ENTHD1: variants seen among roughly 807,000 people sequenced by gnomAD.
ENTHD1 encodes ENTH domain containing 1.
In ENTHD1, 23 loss-of-function variants were observed where a neutral mutation model predicts 39.1. The ratio of observed to expected loss-of-function variants is 0.59; its 90% CI spans 0.42 to 0.83. The LOEUF (loss-of-function observed/expected upper bound fraction) is 0.83, where lower values mean the gene tolerates loss of function less well. Among genes scored for constraint, ENTHD1 ranks in the 40% least tolerant of loss-of-function variants. The pLI is 0.00. For synonymous variants in ENTHD1, 230 were observed against 258.2 expected (o/e 0.89, Z 1.05); for missense variants, 624 against 705.4 (o/e 0.88, Z 1.31).
chr22:39,868,961 C>CA (rs1461657979), intron 2 of ENTHD1, among the ~76,000 whole-genome samples: 1 of 152,002 alleles, frequency 6.6e-6, no homozygotes, highest in Non-Finnish European at 1.5e-5. Context: ...ATCAAAAAGC[C>CA]AAAAAACAAC....
chr22:39,891,929 A>T (rs913935712), intron 1 of ENTHD1, among the ~76,000 whole-genome samples: 20 of 150,622 alleles, frequency 1.3e-4, no homozygotes, highest in South Asian at 4.2e-4. Flanking sequence ...CTCAAAAAAA[A>T]TTTTTTTTTT....
In ENTHD1 at chr22:39,799,220, C is replaced by T. The variant is rs184674325; in HGVS notation, c.832+21773G>A. On this transcript the variant is annotated intron_variant, in intron 5 of 6. Coordinates refer to ENST00000325157, the MANE Select transcript of ENTHD1 (RefSeq NM_152512.4). ...CCCTAGTATGTGCACAAGTATACCTCGGCCCTACCGCAATTGCGGGGAGGG... is the reference window on the plus strand; with the variant it reads ...CCCTAGTATGTGCACAAGTATACCTTGGCCCTACCGCAATTGCGGGGAGGG... Among the ~76,000 whole-genome samples, 18 of 152,312 alleles carry T rather than the reference C, an allele frequency of 1.2e-4. No homozygotes were observed. In the East Asian group the frequency reaches 1.5e-3, roughly 13 times the overall value.
At chr22:39,744,690 T>G (rs2065089691) in intron 6 of ENTHD1, among the ~76,000 whole-genome samples, 1 of 152,182 alleles carries the variant, frequency 6.6e-6, no homozygotes, top group Non-Finnish European at 1.5e-5. Flanking sequence ...CCTTCAACTT[T>G]TTAATTTTTT....
At chr22:39,752,564 C>A in intron 6 of ENTHD1, among the ~76,000 whole-genome samples, 1 of 152,086 alleles carries the variant, frequency 6.6e-6, no homozygotes, top group East Asian at 1.9e-4. Context: ...AATTAGATTT[C>A]AATTTTTAAA....
intron 3 of ENTHD1, among the ~76,000 whole-genome samples, chr22:39,855,433 T>C (rs913677998): frequency 2.0e-5 from 3 of 152,218 alleles, no homozygotes; most frequent in Non-Finnish European, 2.9e-5. Flanking sequence ...TTTACCATTA[T>C]TGTAGAAATG....
chr22:39,880,502 A>T (rs1457260988), intron 2 of ENTHD1, among the ~76,000 whole-genome samples: 1 of 152,188 alleles, frequency 6.6e-6, no homozygotes, highest in Non-Finnish European at 1.5e-5. Context: ...ACATAACTGT[A>T]CGTTCATCGA....
chr22:39,869,875 C>T (rs1048276235), intron 2 of ENTHD1, among the ~76,000 whole-genome samples: 9 of 151,286 alleles, frequency 5.9e-5, no homozygotes, highest in African/African-American at 1.7e-4. Context: ...AATTAAAATC[C>T]TAGAAATGAA....
In ENTHD1 at chr22:39,758,947, G is replaced by A. The variant is rs373529742; in HGVS notation, c.1219+6276C>T. Among the ~76,000 whole-genome samples the A allele has an allele frequency of 2.6e-3, 399 of 152,042 alleles. 1 individual carries two copies. The highest frequency in any genetic ancestry group is 9.1e-3 in the African/African-American group (377 of 41,450). On this transcript the variant is annotated intron_variant, in intron 6 of 6. Coordinates refer to ENST00000325157, the MANE Select transcript of ENTHD1 (RefSeq NM_152512.4). ...AAATGTCAAACCAACCTTATAATTC[G>A]GGGAAAAATCCCACTTGGTCATGAT...
At chr22:39,892,716 C>G (rs146352888) in intron 1 of ENTHD1, among the ~76,000 whole-genome samples, 18 of 152,308 alleles carry the variant, frequency 1.2e-4, no homozygotes, top group African/African-American at 4.3e-4. Context: ...CCAGAGCTAT[C>G]TCTGAAAAGA....
chr22:39,824,477 G>GGGATTACA (rs927201394), intron 4 of ENTHD1, among the ~76,000 whole-genome samples: 4 of 151,966 alleles, frequency 2.6e-5, no homozygotes, highest in African/African-American at 9.7e-5. Context: ...CCAAAGTGCG[G>GGGATTACA]GGATTACAGG....
chr22:39,844,063 T>C (rs1485323295), intron 3 of ENTHD1, among the ~76,000 whole-genome samples: 1 of 151,886 alleles, frequency 6.6e-6, no homozygotes, highest in African/African-American at 2.4e-5. Flanking sequence ...TAGATGAATT[T>C]TGAGATTAAA....
intron 5 of ENTHD1, among the ~76,000 whole-genome samples, chr22:39,782,636 TGATGTAAG>T (rs2065419822): frequency 6.6e-6 from 1 of 152,168 alleles, no homozygotes; most frequent in Non-Finnish European, 1.5e-5. Context: ...TTCATCTCAA[TGATGTAAG>T]GATGATTCAG....
intron 6 of ENTHD1, among the ~76,000 whole-genome samples, chr22:39,746,517 C>T (rs1287204944): frequency 6.6e-6 from 1 of 152,048 alleles, no homozygotes; most frequent in East Asian, 1.9e-4. Flanking sequence ...GTTGGTACCC[C>T]TTGCTGCCCG....
At chr22:39,794,191 C>A (rs1016837450) in intron 5 of ENTHD1, among the ~76,000 whole-genome samples, 1 of 152,116 alleles carries the variant, frequency 6.6e-6, no homozygotes, top group Non-Finnish European at 1.5e-5. Context: ...GGTTAAAATA[C>A]TCCTAGGTAT....
chr22:39,866,747 A>C (rs2066185033), intron 2 of ENTHD1, among the ~76,000 whole-genome samples: 1 of 152,220 alleles, frequency 6.6e-6, no homozygotes, highest in African/African-American at 2.4e-5. Context: ...GCACTTCCAC[A>C]GTTAGTCATT....
chr22:39,870,744 T>G (rs2066235382), intron 2 of ENTHD1, among the ~76,000 whole-genome samples: 1 of 152,098 alleles, frequency 6.6e-6, no homozygotes, highest in Non-Finnish European at 1.5e-5. Flanking sequence ...GAGATACAAA[T>G]AAAGTATCCT....
intron 5 of ENTHD1, among the ~76,000 whole-genome samples, chr22:39,790,484 C>T (rs1262659071): frequency 6.6e-6 from 1 of 152,170 alleles, no homozygotes; most frequent in Non-Finnish European, 1.5e-5. Context: ...TCTTCTCAGA[C>T]CTCTCATATC....
In ENTHD1 at chr22:39,891,645, G is replaced by T. The variant is rs186251333; in HGVS notation, c.-156+2050C>A. The stretch of plus-strand genomic sequence containing the variant: ...ATTTTATTTTTTTTTTTGAGATAGG[G>T]TCTTGCTCTGTCACCCAGGCTGGAG... On this transcript the variant is annotated intron_variant, in intron 1 of 6. Coordinates refer to ENST00000325157, the MANE Select transcript of ENTHD1 (RefSeq NM_152512.4). Among the ~76,000 whole-genome samples, 12 of 150,674 alleles carry T rather than the reference G, an allele frequency of 8.0e-5. No individual in the cohort carries two copies. In the East Asian group the frequency reaches 2.1e-3, roughly 27 times the overall value.
chr22:39,804,466 A>G (rs1222330640), intron 5 of ENTHD1, among the ~76,000 whole-genome samples: 1 of 151,970 alleles, frequency 6.6e-6, no homozygotes, highest in East Asian at 1.9e-4. Context: ...AAAAAAAAAA[A>G]AAAAAAAATT....
Sources: gnomAD v4.1 joint callset for allele counts (sites outside exome capture counted in the v4.1 genomes callset) on GRCh38, gnomAD v4.1.1 for gene constraint, MANE v1.5 for transcripts, NCBI Gene and HGNC (gene_info 2026-07-23, HGNC 2026-07-21) for gene names.